Variants in KDM2B observed in about 807,000 individuals in gnomAD.
KDM2B encodes lysine-specific demethylase 2B.
KDM2B carries 26 observed loss-of-function variants against 150.0 expected under a neutral mutation model. The ratio of observed to expected loss-of-function variants is 0.17; its 90% CI spans 0.13 to 0.24. The LOEUF (loss-of-function observed/expected upper bound fraction) is 0.24, where lower values mean the gene tolerates loss of function less well. Ranked by LOEUF, KDM2B falls within the 10% of genes least tolerant of loss-of-function variation. The probability of loss-of-function intolerance (pLI) is 1.00; values close to 1 mark genes in which losing one functional copy is unlikely to be tolerated. For missense variants in KDM2B, 1,265 were observed against 1,816.9 expected, an observed-to-expected ratio of 0.70 and a Z score of 5.52; for synonymous variants, 734 against 729.5, an observed-to-expected ratio of 1.01 and a Z score of -0.10.
At chr12:121,511,229 C>T (rs1272291478) in intron 10 of KDM2B, among the ~76,000 whole-genome samples, 9 of 150,332 alleles carry the variant, frequency 6.0e-5, no homozygotes, top group Middle Eastern at 3.4e-3. Context: ...AGGTTGGTCT[C>T]GAACTCCTAA....
intron 21 of KDM2B, 165 bp downstream of exon 21, chr12:121,440,651 G>A (rs1265859159): frequency 4.5e-6 from 3 of 665,100 alleles, no homozygotes; most frequent in Non-Finnish European, 7.5e-6. Flanking sequence ...AGGAGCCCCT[G>A]CCTCCTCCCA....
intron 4 of KDM2B, among the ~76,000 whole-genome samples, chr12:121,555,884 T>G (rs1296746414): frequency 2.6e-5 from 4 of 152,084 alleles, no homozygotes; most frequent in Admixed American, 6.6e-5. Context: ...CCCACTCTAT[T>G]AGTTCCCATG....
At chr12:121,410,106 A>G in the KDM2B span, among the ~76,000 whole-genome samples, 1 of 151,906 alleles carries the variant, frequency 6.6e-6, no homozygotes, top group Non-Finnish European at 1.5e-5. Flanking sequence ...GTGAGCCAAG[A>G]TCGTGCCATC....
intron 4 of KDM2B, among the ~76,000 whole-genome samples, chr12:121,561,468 G>A (rs1018056529): frequency 9.2e-5 from 14 of 152,126 alleles, no homozygotes; most frequent in African/African-American, 2.9e-4. Context: ...GCCTGAGTTC[G>A]AGTGATACGC....
chr12:121,481,827 G>A (rs899015909), intron 12 of KDM2B, among the ~76,000 whole-genome samples: 4 of 152,048 alleles, frequency 2.6e-5, no homozygotes, highest in Non-Finnish European at 5.9e-5. Context: ...TGCCCAGGCT[G>A]GAGTGCAGTG....
chr12:121,540,319 T>G (rs782737318), intron 6 of KDM2B, among the ~76,000 whole-genome samples: 2 of 152,130 alleles, frequency 1.3e-5, no homozygotes. Context: ...TTTCCCTATC[T>G]GACATATTAC....
chr12:121,417,431 G>C, the KDM2B span: 1 of 1,333,404 alleles, frequency 7.5e-7, no homozygotes, highest in African/African-American at 1.5e-5. This position sits in a 1 kb window ranked among gnomAD's most constrained non-coding sequence, Gnocchi z 5.0. Context: ...AATTTTAGTA[G>C]AAGGCAGAAA....
intron 8 of KDM2B, among the ~76,000 whole-genome samples, chr12:121,523,869 C>T (rs1478678094): frequency 6.6e-6 from 1 of 152,204 alleles, no homozygotes; most frequent in Non-Finnish European, 1.5e-5. Context: ...GTCGAGCTCC[C>T]CAGCTTCCCA....
At chr12:121,443,193 C>T in intron 17 of KDM2B, 163 bp from the exon 18 acceptor site, 2 of 665,198 alleles carry the variant, frequency 3.0e-6, no homozygotes, top group Non-Finnish European at 5.3e-6. Context: ...GACGGGCGAG[C>T]CCTGCCTGCA....
intron 11 of KDM2B, among the ~76,000 whole-genome samples, chr12:121,499,082 G>T (rs1406948518): frequency 6.6e-6 from 1 of 151,472 alleles, no homozygotes; most frequent in Non-Finnish European, 1.5e-5. Flanking sequence ...TGGGATTACA[G>T]GTGTGAGCCA....
intron 12 of KDM2B, among the ~76,000 whole-genome samples, chr12:121,487,424 CG>C (rs1384781044): frequency 4.6e-5 from 7 of 152,126 alleles, no homozygotes; most frequent in Admixed American, 4.6e-4. Flanking sequence ...TTTCTCTTCG[CG>C]TGGTTCCCCT....
At chr12:121,422,387 G>T in the KDM2B span, among the ~76,000 whole-genome samples, 1 of 152,166 alleles carries the variant, frequency 6.6e-6, no homozygotes, top group East Asian at 1.9e-4. Flanking sequence ...AGAGTGGGAA[G>T]GAACCCTCCA....
At chr12:121,536,030 C>G (rs1888063982) in intron 6 of KDM2B, 10 of 985,264 alleles carry the variant, frequency 1.0e-5, no homozygotes, top group Non-Finnish European at 1.2e-5. Flanking sequence ...CTCTTTTCCC[C>G]GCTGCACTTT....
chr12:121,525,219 C>T (rs889962294), intron 8 of KDM2B, among the ~76,000 whole-genome samples: 1 of 152,144 alleles, frequency 6.6e-6, no homozygotes, highest in Non-Finnish European at 1.5e-5. Flanking sequence ...AATTACTTCA[C>T]GCCACCCCAT....
chr12:121,475,684 A>AG (rs1555296640), intron 12 of KDM2B, among the ~76,000 whole-genome samples: 1 of 150,092 alleles, frequency 6.7e-6, no homozygotes, highest in Non-Finnish European at 1.5e-5. Flanking sequence ...GCTTGAGCCC[A>AG]AGAGTTTGAG....
At chr12:121,440,747 G>A (rs201901938) in intron 21 of KDM2B, 69 bp downstream of exon 21, 57 of 1,425,156 alleles carry the variant, frequency 4.0e-5, no homozygotes, top group Non-Finnish European at 1.1e-5. Flanking sequence ...GGGTCTGAGG[G>A]TAAAAGCAGA....
At chr12:121,446,362 C>T (rs1469325400) in intron 13 of KDM2B, among the ~76,000 whole-genome samples, 1 of 152,202 alleles carries the variant, frequency 6.6e-6, no homozygotes, top group Non-Finnish European at 1.5e-5. Context: ...CATGCCACTG[C>T]ACTCCAGCCT....
intron 6 of KDM2B, among the ~76,000 whole-genome samples, chr12:121,536,737 A>T (rs1220194518): frequency 6.6e-6 from 1 of 151,252 alleles, no homozygotes; most frequent in Admixed American, 6.6e-5. Flanking sequence ...CAGTCTAGGG[A>T]AAACAATCTA....
intron 21 of KDM2B, 142 bp downstream of exon 21, chr12:121,440,674 G>T: frequency 1.2e-6 from 1 of 824,294 alleles, no homozygotes; most frequent in Non-Finnish European, 1.9e-6. Flanking sequence ...TCCCCTCTGT[G>T]CCTGAAGCAA....
Sources: allele counts gnomAD v4.1 joint callset (sites outside exome capture counted in the v4.1 genomes callset), GRCh38; gene constraint gnomAD v4.1.1; non-coding constraint Gnocchi (gnomAD v3.1); transcripts MANE v1.5; gene names NCBI Gene and HGNC (gene_info 2026-07-23, HGNC 2026-07-21).